Variants in HSPA12A observed in about 807,000 individuals in gnomAD.
HSPA12A encodes heat shock protein family A (Hsp70) member 12A, also known as heat shock 70 kDa protein 12A.
In HSPA12A, 28 loss-of-function variants were observed where a neutral mutation model predicts 69.2. The observed-to-expected ratio is 0.40, with a 90% confidence interval of 0.30 to 0.55. The LOEUF is 0.55. Ranked by LOEUF, HSPA12A falls within the 20% of genes least tolerant of loss-of-function variation. HSPA12A has a pLI of 0.38. For missense variants in HSPA12A, 686 were observed against 900.7 expected (o/e 0.76, Z 3.05); for synonymous variants, 345 against 370.5 (o/e 0.93, Z 0.79).
intron 2 of HSPA12A, among the ~76,000 whole-genome samples, chr10:116,813,465 T>A (rs902194206): frequency 6.6e-6 from 1 of 151,802 alleles, no homozygotes; most frequent in African/African-American, 2.4e-5. Flanking sequence ...GCCAGGATGG[T>A]CTTGATCTCC....
chr10:116,820,583 T>C (rs776552567), intron 2 of HSPA12A, among the ~76,000 whole-genome samples: 3 of 152,126 alleles, frequency 2.0e-5, no homozygotes, highest in Non-Finnish European at 4.4e-5. Context: ...GTCTTGTTCA[T>C]TCCCGGCACA....
intron 1 of HSPA12A, among the ~76,000 whole-genome samples, chr10:116,849,267 T>G (rs1460099593): frequency 1.3e-5 from 2 of 152,088 alleles, no homozygotes; most frequent in African/African-American, 4.8e-5. Flanking sequence ...CGTTAAAGAT[T>G]TCCCCCTCTG....
At chr10:116,798,459 C>A (rs1477972752) in intron 2 of HSPA12A, among the ~76,000 whole-genome samples, 1 of 152,168 alleles carries the variant, frequency 6.6e-6, no homozygotes, top group Non-Finnish European at 1.5e-5. Context: ...GGGATCACAG[C>A]CCACATTAGC....
chr10:116,724,087 G>A (rs1257193680), intron 1 of HSPA12A, among the ~76,000 whole-genome samples: 2 of 152,186 alleles, frequency 1.3e-5, no homozygotes, highest in Non-Finnish European at 2.9e-5. Context: ...CACCTGGGGA[G>A]GGCCCAGCCT....
intron 2 of HSPA12A, among the ~76,000 whole-genome samples, chr10:116,806,980 CAGGTA>C (rs1054900014): frequency 6.6e-6 from 1 of 152,172 alleles, no homozygotes; most frequent in Non-Finnish European, 1.5e-5. Flanking sequence ...GAGAGACACA[CAGGTA>C]GAGGAGAGGA....
At chr10:116,774,014 CTTTT>C (rs781996886) in intron 2 of HSPA12A, among the ~76,000 whole-genome samples, 24 of 144,982 alleles carry the variant, frequency 1.7e-4, no homozygotes, top group African/African-American at 2.8e-4. Context: ...GTGGCAAGGG[CTTTT>C]TTTTTTTTTG....
intron 2 of HSPA12A, among the ~76,000 whole-genome samples, chr10:116,819,485 G>A (rs1845369911): frequency 6.6e-6 from 1 of 152,192 alleles, no homozygotes; most frequent in African/African-American, 2.4e-5. Flanking sequence ...AATGGGATTA[G>A]TGCCCTTATA....
In HSPA12A at chr10:116,723,780, C is replaced by A. The variant is rs1850859991; in HGVS notation, c.41-16495G>T. Among the ~76,000 whole-genome samples, 2 of 152,338 alleles carry A rather than the reference C, an allele frequency of 1.3e-5. No individual in the cohort carries two copies. Among genetic ancestry groups the A allele is most frequent in the East Asian group, 1.9e-4 (1 of 5,176 alleles). ...GCAGCCCTGCTCCTGCAGTCAGCCT[C>A]TCCACCCGTTCCTTAGATCCCGGCT... On this transcript the variant is annotated intron_variant, in intron 1 of 11. Coordinates refer to ENST00000369209, the MANE Select transcript of HSPA12A (RefSeq NM_025015.3). This position sits in a 1 kb window ranked among gnomAD's most constrained non-coding sequence, Gnocchi z 4.1.
At chr10:116,692,315 T>C (rs782335145) in intron 6 of HSPA12A, 36 bp downstream of exon 6, 1 of 1,535,412 alleles carries the variant, frequency 6.5e-7, no homozygotes, top group Non-Finnish European at 9.0e-7. Context: ...TGAGTCCTTC[T>C]CCTCCGGCTT....
chr10:116,750,272 G>A, intron 2 of HSPA12A: 1 of 816,876 alleles, frequency 1.2e-6, no homozygotes, highest in Non-Finnish European at 2.1e-6. Flanking sequence ...CCAAGTGGAG[G>A]TGACTGGTGA....
At chr10:116,683,329 A>G (rs1479070066) in intron 7 of HSPA12A, 1 of 152,536 alleles carries the variant, frequency 6.6e-6, no homozygotes, top group East Asian at 1.9e-4. Flanking sequence ...AGCGTCACCT[A>G]GGTCAGGAAA....
At chr10:116,802,915 T>C (rs1322809702) in intron 2 of HSPA12A, among the ~76,000 whole-genome samples, 1 of 152,204 alleles carries the variant, frequency 6.6e-6, no homozygotes, top group East Asian at 1.9e-4. Context: ...TCTTCTCCCT[T>C]TGTATGTCTC....
chr10:116,846,044 A>C (rs1469489308), intron 1 of HSPA12A, among the ~76,000 whole-genome samples: 1 of 152,188 alleles, frequency 6.6e-6, no homozygotes, highest in East Asian at 1.9e-4. Context: ...TTCCATGAAG[A>C]GAAGGAATTT....
intron 2 of HSPA12A, among the ~76,000 whole-genome samples, chr10:116,811,583 A>AG (rs1845185723): frequency 6.8e-6 from 1 of 147,336 alleles, no homozygotes. Flanking sequence ...TTTTGTTAAA[A>AG]AAAAAAAAAA....
chr10:116,849,187 C>G (rs1845971560), intron 1 of HSPA12A, among the ~76,000 whole-genome samples: 3 of 152,182 alleles, frequency 2.0e-5, no homozygotes, highest in Admixed American at 2.0e-4. Context: ...CACTGGGACC[C>G]GAGCGCGCGA....
intron 9 of HSPA12A, among the ~76,000 whole-genome samples, chr10:116,680,046 A>G (rs1253854272): frequency 6.6e-6 from 1 of 152,266 alleles, no homozygotes; most frequent in South Asian, 2.1e-4. Flanking sequence ...GCTGGAGTGC[A>G]GTGGCACAAT....
chr10:116,845,991 T>C (rs1188908733), intron 1 of HSPA12A, among the ~76,000 whole-genome samples: 2 of 152,216 alleles, frequency 1.3e-5, no homozygotes, highest in Non-Finnish European at 2.9e-5. Context: ...TCTTGATGAC[T>C]CACTCTGATA....
intron 6 of HSPA12A, among the ~76,000 whole-genome samples, chr10:116,690,861 T>G (rs1216215312): frequency 6.6e-6 from 1 of 152,142 alleles, no homozygotes; most frequent in Admixed American, 6.5e-5. Context: ...CATTTGTTGC[T>G]GAAGTCTTCC....
rs1850275486 is a variant in HSPA12A, at chr10:116,707,133, G to A, written c.126+67C>T. On this transcript the variant is annotated intron_variant, in intron 2 of 11. Transcript: ENST00000369209. Reference sequence around the variant, plus strand: ...GCAAAGGAAGTCAGTACGCACGTGTGCTCATGCGCACCCATGCGCGCACAC... The same window carrying A: ...GCAAAGGAAGTCAGTACGCACGTGTACTCATGCGCACCCATGCGCGCACAC... 3.1e-6 allele frequency: 4 copies of A among 1,308,472 alleles called. No homozygotes were observed. In the Admixed American group the frequency reaches 6.5e-5, roughly 21 times the overall value. 81.1% of individuals were successfully genotyped at this position (1,308,472 alleles called of 1,614,324 possible). A position where few individuals can be genotyped will look rare whatever the true frequency, so the allele number is the denominator to read the frequency against.
Sources: allele counts gnomAD v4.1 joint callset (sites outside exome capture counted in the v4.1 genomes callset), GRCh38; gene constraint gnomAD v4.1.1; non-coding constraint Gnocchi (gnomAD v3.1); transcripts MANE v1.5; gene names NCBI Gene and HGNC (gene_info 2026-07-23, HGNC 2026-07-21).